SERPINI1: variants seen among roughly 807,000 people sequenced by gnomAD.
SERPINI1 encodes serpin family I member 1.
Under a neutral mutation model 41.1 loss-of-function variants are expected in SERPINI1, and 19 were observed. The observed-to-expected ratio is 0.46, with a 90% CI of 0.32 to 0.68. The LOEUF is 0.68. Ranked by LOEUF, SERPINI1 falls within the 30% of genes least tolerant of loss-of-function variation. The pLI is 0.03. For missense variants in SERPINI1, 460 were observed against 479.2 expected (o/e 0.96, Z 0.37); for synonymous variants, 138 against 156.6 (o/e 0.88, Z 0.89).
intron 1 of SERPINI1, among the ~76,000 whole-genome samples, chr3:167,765,873 G>A (rs1726550993): frequency 6.6e-6 from 1 of 152,162 alleles, no homozygotes; most frequent in South Asian, 2.1e-4. Flanking sequence ...GGGGCAAAAT[G>A]CTGCCAGTCT....
intron 6 of SERPINI1, among the ~76,000 whole-genome samples, chr3:167,821,038 G>A (rs908701853): frequency 1.6e-4 from 24 of 152,184 alleles, no homozygotes; most frequent in East Asian, 5.8e-4. Context: ...TTGGACACTC[G>A]TTGGGACAAC....
intron 5 of SERPINI1, among the ~76,000 whole-genome samples, chr3:167,803,218 T>C (rs1267683729): frequency 6.6e-6 from 1 of 151,774 alleles, no homozygotes; most frequent in African/African-American, 2.4e-5. Flanking sequence ...ATGGCACATG[T>C]ATACATATGT....
At chr3:167,816,924 G>A (rs16851502) in intron 6 of SERPINI1, among the ~76,000 whole-genome samples, 33,907 of 151,756 alleles carry the variant, frequency 0.22, 3,955 homozygotes, top group African/African-American at 0.26. Flanking sequence ...TTTGAAGCAC[G>A]GCATATGGGG....
chr3:167,825,219 T>A, intron 8 of SERPINI1, 28 bp from the exon 9 acceptor site: 1 of 1,446,488 alleles, frequency 6.9e-7, no homozygotes, highest in South Asian at 1.1e-5. Context: ...GTTCACCCCC[T>A]CTTTTGTTTA....
intron 6 of SERPINI1, among the ~76,000 whole-genome samples, chr3:167,808,062 G>A (rs1420840432): frequency 6.6e-6 from 1 of 151,842 alleles, no homozygotes; most frequent in African/African-American, 2.4e-5. Context: ...AGGTTGAAGT[G>A]AGCCGAGATT....
At chr3:167,823,711 T>G (rs1283526037) in intron 7 of SERPINI1, among the ~76,000 whole-genome samples, 1 of 152,176 alleles carries the variant, frequency 6.6e-6, no homozygotes, top group Non-Finnish European at 1.5e-5. Flanking sequence ...TCTATTTAAC[T>G]GTATTTTCGT....
chr3:167,809,773 G>GT, intron 6 of SERPINI1, among the ~76,000 whole-genome samples: 2 of 152,198 alleles, frequency 1.3e-5, no homozygotes, highest in Non-Finnish European at 2.9e-5. Flanking sequence ...TCACTGAAGG[G>GT]TAAAAAAGAT....
At chr3:167,778,629 T>A (rs566625716) in intron 1 of SERPINI1, among the ~76,000 whole-genome samples, 1 of 152,336 alleles carries the variant, frequency 6.6e-6, no homozygotes, top group Non-Finnish European at 1.5e-5. Context: ...TAGATTTTGA[T>A]AATAGTGATG....
Position 167,739,679 on chromosome 3 carries a change from A to G in SERPINI1, c.-19+3856A>G, listed in dbSNP as rs149786517. Among the ~76,000 whole-genome samples, 22 of 152,248 alleles carry G rather than the reference A, an allele frequency of 1.4e-4. 1 individual carries two copies. The highest frequency in any genetic ancestry group is 7.7e-4 in the East Asian group (4 of 5,178). ...TTGTTGAAGCTTATCTGTAGAAACC[A>G]TATTTCATTCTATAAAAACTGAATT... On this transcript the variant is annotated intron_variant, in intron 1 of 8. Coordinates refer to ENST00000446050, the MANE Select transcript of SERPINI1 (RefSeq NM_001122752.2).
Position 167,794,835 on chromosome 3 carries a change from C to T in SERPINI1, c.881+11C>T. ...AGTATACCTGCCCAGGTATGAGGTT[C>T]CTGTGTCACCCGTCCCACAGCATGG... On this transcript the variant is annotated intron_variant, in intron 5 of 8. Coordinates refer to ENST00000446050, the MANE Select transcript of SERPINI1 (RefSeq NM_001122752.2). 3.1e-6 allele frequency: 5 copies of T among 1,608,686 alleles called. No homozygotes were observed. The highest frequency in any genetic ancestry group is 3.4e-6 in the Non-Finnish European group (4 of 1,176,584).
At chr3:167,762,317 C>T (rs1325021215) in intron 1 of SERPINI1, among the ~76,000 whole-genome samples, 2 of 152,086 alleles carry the variant, frequency 1.3e-5, no homozygotes, top group Non-Finnish European at 2.9e-5. Context: ...TCAACTTCCC[C>T]CTCCCCTAGA....
chr3:167,820,562 G>T (rs1712281985), intron 6 of SERPINI1, among the ~76,000 whole-genome samples: 1 of 152,230 alleles, frequency 6.6e-6, no homozygotes, highest in Admixed American at 6.5e-5. Flanking sequence ...CATGCCTGGG[G>T]CAGTGCTGAC....
At chr3:167,817,629 G>A (rs1712147299) in intron 6 of SERPINI1, among the ~76,000 whole-genome samples, 1 of 151,476 alleles carries the variant, frequency 6.6e-6, no homozygotes, top group African/African-American at 2.4e-5. Flanking sequence ...ACAGAGTCAT[G>A]CACTGTCGCC....
intron 1 of SERPINI1, among the ~76,000 whole-genome samples, chr3:167,744,166 G>A (rs1323451828): frequency 6.6e-6 from 1 of 151,968 alleles, no homozygotes; most frequent in Non-Finnish European, 1.5e-5. Flanking sequence ...ATAATCATTA[G>A]CTATATGATA....
chr3:167,770,910 G>T (rs1202371228), intron 1 of SERPINI1, among the ~76,000 whole-genome samples: 6 of 152,144 alleles, frequency 3.9e-5, no homozygotes, highest in Non-Finnish European at 7.3e-5. Context: ...GGACCTTGCT[G>T]ATGTACCCTC....
chr3:167,803,649 T>C (rs1374283091), intron 5 of SERPINI1, among the ~76,000 whole-genome samples: 1 of 152,176 alleles, frequency 6.6e-6, no homozygotes, highest in East Asian at 1.9e-4. Context: ...CGGTCACTCA[T>C]CATCACCTGA....
rs1004091536 is a variant in SERPINI1, at chr3:167,825,403, T to A, written c.*80T>A. 10 of 873,726 alleles carry A rather than the reference T, an allele frequency of 1.1e-5. No individual in the cohort carries two copies. Among genetic ancestry groups the A allele is most frequent in the African/African-American group, 9.9e-5 (6 of 60,604 alleles). The allele number at this position is 873,726 out of a possible 1,614,324, so 54.1% of individuals were successfully genotyped here. The stretch of plus-strand genomic sequence containing the variant: ...CTGGTATATATTTAGGATTTGTGTT[T>A]TACAGTATATCTTAAGATAATATTT... On this transcript the variant is annotated 3_prime_UTR_variant, in exon 9 of 9. Transcript: ENST00000446050.
At chr3:167,802,338 C>A (rs1394455482) in intron 5 of SERPINI1, among the ~76,000 whole-genome samples, 3 of 151,464 alleles carry the variant, frequency 2.0e-5, no homozygotes, top group Admixed American at 6.6e-5. Context: ...AGTGAACAGG[C>A]AACCTACAAA....
intron 8 of SERPINI1, 132 bp from the exon 9 acceptor site, chr3:167,825,115 G>A (rs1423460018): frequency 1.4e-6 from 1 of 724,402 alleles, no homozygotes; most frequent in African/African-American, 1.8e-5. Flanking sequence ...AAGGAAGGAA[G>A]GACAGGAGGA....
Sources: gnomAD v4.1 joint callset for allele counts (sites outside exome capture counted in the v4.1 genomes callset) on GRCh38, gnomAD v4.1.1 for gene constraint, MANE v1.5 for transcripts, NCBI Gene and HGNC (gene_info 2026-07-23, HGNC 2026-07-21) for gene names.